RNGTT: variants seen among roughly 807,000 people sequenced by gnomAD.
RNGTT encodes the protein mRNA-capping enzyme.
In RNGTT, 33 loss-of-function variants were observed where a neutral mutation model predicts 79.3. The ratio of observed to expected loss-of-function variants is 0.42; its 90% CI spans 0.32 to 0.56. The LOEUF is 0.56. RNGTT is among the 20% of genes least tolerant of loss of function. The pLI is 0.17. For missense variants in RNGTT, 497 were observed against 739.1 expected (o/e 0.67, Z 3.80); for synonymous variants, 222 against 235.9 (o/e 0.94, Z 0.54).
chr6:88,788,240 A>T (rs1043013051), intron 12 of RNGTT, among the ~76,000 whole-genome samples: 6 of 152,194 alleles, frequency 3.9e-5, no homozygotes, highest in Non-Finnish European at 7.3e-5. Context: ...TGAGACTACT[A>T]GAAAGAGTAG....
intron 11 of RNGTT, among the ~76,000 whole-genome samples, chr6:88,837,590 CAGTACAATTTTTAAAATAATATATTA>C (rs1448227658): frequency 6.6e-6 from 1 of 151,432 alleles, no homozygotes; most frequent in Non-Finnish European, 1.5e-5. Flanking sequence ...AAAAACTGGG[CAGTACAATTTTTAAAATAATATATTA>C]AGACAAAGTA....
intron 4 of RNGTT, among the ~76,000 whole-genome samples, chr6:88,911,295 T>C (rs1190198506): frequency 6.6e-6 from 1 of 152,168 alleles, no homozygotes; most frequent in Non-Finnish European, 1.5e-5. Flanking sequence ...GAAAGATCTA[T>C]CATGCAAATG....
At chr6:88,859,503 G>T (rs920213739) in intron 8 of RNGTT, among the ~76,000 whole-genome samples, 2 of 152,202 alleles carry the variant, frequency 1.3e-5, no homozygotes, top group Non-Finnish European at 2.9e-5. Flanking sequence ...AGAGGTCCAT[G>T]TGGCAGAATG....
At chr6:88,869,837 G>C (rs915903702) in intron 8 of RNGTT, among the ~76,000 whole-genome samples, 1 of 152,064 alleles carries the variant, frequency 6.6e-6, no homozygotes, top group Non-Finnish European at 1.5e-5. Context: ...CTTAAAGGCT[G>C]TAATTTATGC....
intron 11 of RNGTT, among the ~76,000 whole-genome samples, chr6:88,814,438 A>C (rs1780249145): frequency 6.6e-6 from 1 of 152,222 alleles, no homozygotes. Context: ...AAGTTGCCTT[A>C]GTATAGCTTT....
intron 2 of RNGTT, among the ~76,000 whole-genome samples, chr6:88,940,378 C>T (rs1784809390): frequency 6.6e-6 from 1 of 152,224 alleles, no homozygotes. Context: ...GGCACCCAGC[C>T]CCAGTCCCAA....
chr6:88,897,861 A>G (rs892130629), intron 6 of RNGTT, among the ~76,000 whole-genome samples: 2 of 152,206 alleles, frequency 1.3e-5, no homozygotes, highest in African/African-American at 4.8e-5. Context: ...ATGACCGGCC[A>G]TCAATAAAAA....
intron 12 of RNGTT, among the ~76,000 whole-genome samples, chr6:88,773,785 A>G (rs1157212724): frequency 1.3e-5 from 2 of 152,172 alleles, no homozygotes; most frequent in Non-Finnish European, 2.9e-5. Flanking sequence ...ATGAAATTGA[A>G]TGCCTACCTC....
chr6:88,839,548 T>G (rs1310091649), intron 11 of RNGTT, among the ~76,000 whole-genome samples: 1 of 151,998 alleles, frequency 6.6e-6, no homozygotes, highest in Non-Finnish European at 1.5e-5. Context: ...CTAGCCTGGA[T>G]GACAGAGCAA....
chr6:88,884,424 T>A (rs1032352219), intron 8 of RNGTT, among the ~76,000 whole-genome samples: 2 of 151,918 alleles, frequency 1.3e-5, no homozygotes, highest in African/African-American at 4.8e-5. Flanking sequence ...GTATCTTTCC[T>A]AAAAGAAAGG....
intron 8 of RNGTT, among the ~76,000 whole-genome samples, chr6:88,870,233 T>C (rs2127919975): frequency 6.6e-6 from 1 of 152,284 alleles, no homozygotes; most frequent in African/African-American, 2.4e-5. Flanking sequence ...TACTGCCTTT[T>C]GAGAAGCAAA....
intron 13 of RNGTT, among the ~76,000 whole-genome samples, chr6:88,761,107 C>A (rs1284055894): frequency 1.3e-5 from 2 of 151,308 alleles, no homozygotes; most frequent in African/African-American, 2.4e-5. Flanking sequence ...TAAAGGAGAC[C>A]ATGCAGTCAA....
At chr6:88,663,615 C>A (rs1203456913) in intron 14 of RNGTT, among the ~76,000 whole-genome samples, 2 of 152,248 alleles carry the variant, frequency 1.3e-5, no homozygotes, top group East Asian at 3.9e-4. Flanking sequence ...ACCAATGGTG[C>A]CCCTCCTTAC....
At chr6:88,830,765 A>G (rs6936198) in intron 11 of RNGTT, among the ~76,000 whole-genome samples, 80,123 of 151,938 alleles carry the variant, frequency 0.53, 22,543 homozygotes, top group African/African-American at 0.73. Context: ...TATCACCACC[A>G]ATCCCACAGA....
rs537259544 is a variant in RNGTT at position 88,876,539 on chromosome 6, T to C, written c.896+13956A>G. Among the ~76,000 whole-genome samples the C allele has an allele frequency of 9.2e-5, 14 of 152,308 alleles. No homozygotes were observed. The East Asian group carries it at 1.9e-3, about 21-fold the overall frequency. On this transcript the variant is annotated intron_variant, in intron 8 of 15. Transcript: ENST00000369485. ...CAAAAAACAATCATCATCATCATCATATAGTTTAGTTCTAATTACCTGCTA... is the reference window on the plus strand; with the variant it reads ...CAAAAAACAATCATCATCATCATCACATAGTTTAGTTCTAATTACCTGCTA...
chr6:88,803,044 T>A (rs1321578041), intron 11 of RNGTT, among the ~76,000 whole-genome samples: 1 of 152,212 alleles, frequency 6.6e-6, no homozygotes, highest in Non-Finnish European at 1.5e-5. Context: ...AAACTTCAAG[T>A]ACGTATTTCA....
At chr6:88,879,333 G>A (rs1488859585) in intron 8 of RNGTT, among the ~76,000 whole-genome samples, 1 of 152,190 alleles carries the variant, frequency 6.6e-6, no homozygotes, top group Non-Finnish European at 1.5e-5. Flanking sequence ...GGCAGAGGTT[G>A]CAGTGAGCTG....
chr6:88,773,899 C>A (rs928911598), intron 12 of RNGTT, among the ~76,000 whole-genome samples: 1 of 152,098 alleles, frequency 6.6e-6, no homozygotes, highest in African/African-American at 2.4e-5. Flanking sequence ...TTAGATTTGG[C>A]AGTAGATTTT....
chr6:88,871,661 G>A (rs866423644), intron 8 of RNGTT, among the ~76,000 whole-genome samples: 2 of 152,110 alleles, frequency 1.3e-5, no homozygotes, highest in African/African-American at 4.8e-5. Context: ...GAACCCACTC[G>A]GAACCCCAGA....
Sources: allele counts gnomAD v4.1 joint callset (sites outside exome capture counted in the v4.1 genomes callset), GRCh38; gene constraint gnomAD v4.1.1; transcripts MANE v1.5; gene names NCBI Gene and HGNC (gene_info 2026-07-23, HGNC 2026-07-21).